LRRN1: variants seen among roughly 807,000 people sequenced by gnomAD.
LRRN1 encodes leucine-rich repeat neuronal protein 1.
A neutral mutation model predicts 45.8 loss-of-function variants in LRRN1; 14 were observed. That is an observed-to-expected ratio of 0.31 (90% CI 0.20 to 0.48). LRRN1 has a LOEUF of 0.48. LRRN1 is among the 20% of genes least tolerant of loss of function. The pLI, the probability that LRRN1 is intolerant of heterozygous loss-of-function variation, is 0.99. For synonymous variants in LRRN1, 359 were observed against 330.1 expected (o/e 1.09, Z -0.95); for missense variants, 789 against 874.2 (o/e 0.90, Z 1.23).
chr3:3,831,300 C>G (rs2106464047), intron 1 of LRRN1, among the ~76,000 whole-genome samples: 1 of 152,292 alleles, frequency 6.6e-6, no homozygotes, highest in Non-Finnish European at 1.5e-5. Flanking sequence ...GAGTATCTCA[C>G]CAGGCCCCAC....
intron 1 of LRRN1, among the ~76,000 whole-genome samples, chr3:3,813,051 A>AT (rs1328322178): frequency 6.6e-6 from 1 of 152,088 alleles, no homozygotes; most frequent in Non-Finnish European, 1.5e-5. Context: ...ACAGATACAG[A>AT]TTTTTTATAG....
intron 1 of LRRN1, chr3:3,822,605 G>A (rs770617840): frequency 3.3e-5 from 5 of 152,198 alleles, no homozygotes; most frequent in Middle Eastern, 3.2e-3. Context: ...CTATCTTGGT[G>A]TAGAGAGATC....
intron 1 of LRRN1, among the ~76,000 whole-genome samples, chr3:3,820,369 A>G (rs1693077532): frequency 6.6e-6 from 1 of 152,122 alleles, no homozygotes; most frequent in South Asian, 2.1e-4. Flanking sequence ...AAAAGCTCTT[A>G]ATTTCTAAAA....
chr3:3,804,989 A>G (rs980475280), intron 1 of LRRN1, among the ~76,000 whole-genome samples: 2 of 152,228 alleles, frequency 1.3e-5, no homozygotes, highest in African/African-American at 4.8e-5. Context: ...AAGATTTTCA[A>G]GGGAGGCATT....
chr3:3,812,213 A>C (rs1030594402), intron 1 of LRRN1, among the ~76,000 whole-genome samples: 5 of 152,208 alleles, frequency 3.3e-5, no homozygotes. Flanking sequence ...GATGTGAGAT[A>C]AAAGCAATAA....
chr3:3,820,423 G>A (rs1575286703), intron 1 of LRRN1, among the ~76,000 whole-genome samples: 1 of 152,236 alleles, frequency 6.6e-6, no homozygotes, highest in East Asian at 1.9e-4. Flanking sequence ...TGGGAGTCAT[G>A]GCCTTTCATA....
rs2106472889 is a variant in LRRN1, at chr3:3,845,907, C to T, written c.1266C>T (p.Cys422=). 6.2e-7 allele frequency: 1 copy of T among 1,614,042 alleles called. No homozygotes were observed. The highest frequency in any genetic ancestry group is 2.2e-5 in the East Asian group (1 of 44,858). Residue 422 remains cysteine (C), a synonymous_variant, in exon 2 of 2, where the codon TGC becomes TGT. Coordinates refer to ENST00000319331, the MANE Select transcript of LRRN1 (RefSeq NM_020873.7). This position sits in a 1 kb window ranked among gnomAD's most constrained non-coding sequence, Gnocchi z 6.5. ...EVLIQDSSEQ[C]LPMISHDSFP... ...TAATCCAGGATTCGAGTGAACAGTG[C>T]CTCCCAATGATATCTCACGACAGCT...
intron 1 of LRRN1, among the ~76,000 whole-genome samples, chr3:3,810,039 T>C (rs560441175): frequency 6.6e-6 from 1 of 152,308 alleles, no homozygotes; most frequent in East Asian, 1.9e-4. Flanking sequence ...CCTAGAGTGC[T>C]TTATGTTTGT....
intron 1 of LRRN1, among the ~76,000 whole-genome samples, chr3:3,829,340 C>T (rs1255036169): frequency 2.0e-5 from 3 of 152,110 alleles, no homozygotes; most frequent in South Asian, 4.2e-4. Flanking sequence ...CTGGTGGCAG[C>T]GTTCCTCCTC....
At position 3,845,926 on chromosome 3, in the gene LRRN1, G is replaced by C. The variant is rs367832853; in HGVS notation, c.1285G>C (p.Asp429His). The C allele has an allele frequency of 1.2e-6, 2 of 1,614,058 alleles. No homozygotes were observed. Among genetic ancestry groups the C allele is most frequent in the South Asian group, 1.1e-5 (1 of 91,074 alleles). ...SEQCLPMISH[D>H]SFPNRLNVDI... is the part of the protein sequence containing the mutation. ...ACAGTGCCTCCCAATGATATCTCAC[G>C]ACAGCTTCCCAAATCGTTTAAACGT... The change falls in exon 2 of 2, where the codon GAC (aspartate) becomes CAC (histidine). Residue 429 changes from aspartate to histidine, a missense_variant. Transcript: ENST00000319331. This position sits in a 1 kb window ranked among gnomAD's most constrained non-coding sequence, Gnocchi z 6.5.
chr3:3,822,756 G>A (rs1055833789), intron 1 of LRRN1: 1 of 152,102 alleles, frequency 6.6e-6, no homozygotes, highest in African/African-American at 2.4e-5. Context: ...CATGGCCTTT[G>A]AAAATACATA....
At chr3:3,820,499 A>G (rs746101772) in intron 1 of LRRN1, among the ~76,000 whole-genome samples, 9 of 152,182 alleles carry the variant, frequency 5.9e-5, no homozygotes, top group South Asian at 2.1e-4. Context: ...TTCAAATACA[A>G]TAAATAAGGA....
At chr3:3,836,705 G>A (rs1344153220) in intron 1 of LRRN1, among the ~76,000 whole-genome samples, 1 of 152,146 alleles carries the variant, frequency 6.6e-6, no homozygotes, top group African/African-American at 2.4e-5. Flanking sequence ...CATGCTTACA[G>A]GTTTAAACTC....
intron 1 of LRRN1, among the ~76,000 whole-genome samples, chr3:3,840,102 AACTGTGG>A (rs1249799527): frequency 5.9e-5 from 9 of 152,148 alleles, no homozygotes; most frequent in Non-Finnish European, 1.2e-4. Flanking sequence ...GAATCATTTT[AACTGTGG>A]ACTTTTCATA....
intron 1 of LRRN1, among the ~76,000 whole-genome samples, chr3:3,823,234 A>C (rs79385065): frequency 0.016 from 2,386 of 152,204 alleles, 28 homozygotes; most frequent in Non-Finnish European, 0.023. Context: ...GTCCTGTGGG[A>C]GGTGGTACTT....
intron 1 of LRRN1, among the ~76,000 whole-genome samples, chr3:3,802,716 T>C (rs1481976434): frequency 6.6e-6 from 1 of 152,204 alleles, no homozygotes; most frequent in Admixed American, 6.5e-5. Context: ...AAGTAACAAA[T>C]CATTCTAATA....
At chr3:3,837,687 C>T (rs1575298841) in intron 1 of LRRN1, among the ~76,000 whole-genome samples, 2 of 151,878 alleles carry the variant, frequency 1.3e-5, no homozygotes, top group Admixed American at 1.3e-4. Flanking sequence ...TAGTTTGAGC[C>T]ACCGCACCAC....
chr3:3,809,856 A>G (rs1208002262), intron 1 of LRRN1, among the ~76,000 whole-genome samples: 1 of 152,234 alleles, frequency 6.6e-6, no homozygotes, highest in African/African-American at 2.4e-5. Context: ...TACAGTAGCA[A>G]TGAGTAGAAG....
chr3:3,815,874 C>G (rs7616997), intron 1 of LRRN1, among the ~76,000 whole-genome samples: 1 of 148,514 alleles, frequency 6.7e-6, no homozygotes, highest in Non-Finnish European at 1.5e-5. Context: ...GCAATTTACT[C>G]TAAAATTTAT....
Sources: allele counts gnomAD v4.1 joint callset (sites outside exome capture counted in the v4.1 genomes callset), GRCh38; gene constraint gnomAD v4.1.1; non-coding constraint Gnocchi (gnomAD v3.1); transcripts MANE v1.5; gene names NCBI Gene and HGNC (gene_info 2026-07-23, HGNC 2026-07-21).